Variants in KCNIP4 observed in about 807,000 individuals in gnomAD.
The protein encoded by KCNIP4 is potassium voltage-gated channel interacting protein 4.
KCNIP4 carries 12 observed loss-of-function variants against 34.0 expected under a neutral mutation model. The ratio of observed to expected loss-of-function variants is 0.35; its 90% CI spans 0.23 to 0.57. The LOEUF (loss-of-function observed/expected upper bound fraction) is 0.57, where lower values mean the gene tolerates loss of function less well. Ranked by LOEUF, KCNIP4 falls within the 20% of genes least tolerant of loss-of-function variation. The pLI is 0.83. For missense variants in KCNIP4, 238 were observed against 311.7 expected, an observed-to-expected ratio of 0.76 and a Z score of 1.78; for synonymous variants, 124 against 102.2, an observed-to-expected ratio of 1.21 and a Z score of -1.29.
At chr4:21,230,053 G>A (rs547815816) in intron 1 of KCNIP4, among the ~76,000 whole-genome samples, 2 of 152,124 alleles carry the variant, frequency 1.3e-5, no homozygotes, top group East Asian at 1.9e-4. Flanking sequence ...TGACCTCATC[G>A]TAGATGAAGG....
chr4:20,906,549 T>A (rs1727792735), intron 1 of KCNIP4, among the ~76,000 whole-genome samples: 1 of 152,174 alleles, frequency 6.6e-6, no homozygotes. Context: ...AAACTTTCAT[T>A]TGCTCCCCCT....
chr4:21,912,653 T>C (rs1220413904), intron 1 of KCNIP4, among the ~76,000 whole-genome samples: 1 of 152,016 alleles, frequency 6.6e-6, no homozygotes, highest in African/African-American at 2.4e-5. Context: ...GAGCTGGCCA[T>C]GTGCAAAGGT....
intron 1 of KCNIP4, among the ~76,000 whole-genome samples, chr4:21,447,514 T>C (rs1490623986): frequency 2.6e-5 from 4 of 152,210 alleles, no homozygotes; most frequent in Admixed American, 1.3e-4. Flanking sequence ...CTTGCTCATC[T>C]GCAGGGGATA....
chr4:20,855,943 G>A (rs566612955), intron 2 of KCNIP4, among the ~76,000 whole-genome samples: 1 of 152,280 alleles, frequency 6.6e-6, no homozygotes, highest in South Asian at 2.1e-4. Context: ...TGCTCCTAAA[G>A]TATGTGGGAA....
intron 1 of KCNIP4, among the ~76,000 whole-genome samples, chr4:20,988,996 T>G (rs1736842694): frequency 6.6e-6 from 1 of 152,230 alleles, no homozygotes; most frequent in African/African-American, 2.4e-5. Flanking sequence ...TGTATATTTT[T>G]CTTCCCACAA....
At chr4:21,465,335 T>G (rs2109787782) in intron 1 of KCNIP4, among the ~76,000 whole-genome samples, 1 of 152,208 alleles carries the variant, frequency 6.6e-6, no homozygotes, top group South Asian at 2.1e-4. Flanking sequence ...ACATAAGATA[T>G]ACTTTCCAGA....
At position 21,916,748 on chromosome 4, in the gene KCNIP4, C is replaced by T. The variant is rs1031455365; in HGVS notation, c.61+31823G>A. 1.5e-4 allele frequency among the ~76,000 whole-genome samples: 23 copies of T among 152,268 alleles called. No individual in the cohort carries two copies. The East Asian group carries it at 2.1e-3, about 14-fold the overall frequency. On this transcript the variant is annotated intron_variant, in intron 1 of 8. Coordinates refer to ENST00000382152, the MANE Select transcript of KCNIP4 (RefSeq NM_025221.6). ...GATTTTCAAAGAACAACTCAAATGACGTTATTTGTTACCTAGCTTGCCTTG... is the reference window on the plus strand; with the variant it reads ...GATTTTCAAAGAACAACTCAAATGATGTTATTTGTTACCTAGCTTGCCTTG...
At chr4:21,304,669 G>A (rs931032010) in intron 1 of KCNIP4, 1 of 152,202 alleles carries the variant, frequency 6.6e-6, no homozygotes, top group Non-Finnish European at 1.5e-5. Context: ...AGATTGCAAC[G>A]AGGCTTAAGG....
At chr4:20,772,280 A>C (rs759755538) in intron 3 of KCNIP4, among the ~76,000 whole-genome samples, 13 of 152,118 alleles carry the variant, frequency 8.5e-5, no homozygotes, top group Non-Finnish European at 1.6e-4. Context: ...AATCACTAAA[A>C]CACAAAGTAT....
intron 1 of KCNIP4, among the ~76,000 whole-genome samples, chr4:21,621,218 T>C (rs1246864934): frequency 4.6e-5 from 7 of 152,244 alleles, no homozygotes; most frequent in Admixed American, 2.0e-4. Flanking sequence ...AGTCAAATAG[T>C]ATATGTTCAC....
intron 1 of KCNIP4, among the ~76,000 whole-genome samples, chr4:21,835,598 T>TG (rs1488378988): frequency 2.4e-5 from 3 of 127,248 alleles, no homozygotes; most frequent in Non-Finnish European, 3.9e-5. Context: ...TGTTAGTTTT[T>TG]TTTTGTTGTT....
chr4:21,441,417 A>G (rs1288127180), intron 1 of KCNIP4, among the ~76,000 whole-genome samples: 1 of 152,020 alleles, frequency 6.6e-6, no homozygotes, highest in Non-Finnish European at 1.5e-5. Flanking sequence ...TGCTGGGATT[A>G]CAGGCATGAG....
chr4:21,501,414 C>T (rs1401353715), intron 1 of KCNIP4, among the ~76,000 whole-genome samples: 1 of 151,998 alleles, frequency 6.6e-6, no homozygotes, highest in Non-Finnish European at 1.5e-5. Flanking sequence ...TCATCTGTCT[C>T]GTTGGCTTTA....
intron 1 of KCNIP4, among the ~76,000 whole-genome samples, chr4:21,237,989 T>G (rs1759498207): frequency 6.6e-6 from 1 of 152,120 alleles, no homozygotes; most frequent in South Asian, 2.1e-4. Context: ...AATAAAATAC[T>G]GGCAAACCGA....
intron 1 of KCNIP4, among the ~76,000 whole-genome samples, chr4:21,931,139 T>G (rs144773101): frequency 0.014 from 2,060 of 152,196 alleles, 39 homozygotes; most frequent in African/African-American, 0.046. Context: ...CATGTCATTA[T>G]AGAACAACAT....
chr4:21,234,090 T>A (rs1458166905), intron 1 of KCNIP4, among the ~76,000 whole-genome samples: 1 of 92,986 alleles, frequency 1.1e-5, no homozygotes, highest in South Asian at 2.9e-4. Context: ...ATAACGTATA[T>A]TATATATAAC....
At chr4:20,862,648 A>C (rs1722327467) in intron 2 of KCNIP4, among the ~76,000 whole-genome samples, 2 of 152,194 alleles carry the variant, frequency 1.3e-5, no homozygotes, top group Admixed American at 1.3e-4. Context: ...CCTAAAAATC[A>C]ATAACAAGAC....
chr4:21,181,963 A>T (rs572679862), intron 1 of KCNIP4, among the ~76,000 whole-genome samples: 12 of 152,236 alleles, frequency 7.9e-5, no homozygotes, highest in Non-Finnish European at 1.8e-4. Flanking sequence ...CTACCAATAA[A>T]ACATGACTTC....
At chr4:20,822,962 C>T (rs552161841) in intron 3 of KCNIP4, among the ~76,000 whole-genome samples, 1 of 152,096 alleles carries the variant, frequency 6.6e-6, no homozygotes, top group Admixed American at 6.6e-5. Context: ...TAATTTTTCC[C>T]CTCCGGAGGA....
Sources: allele counts gnomAD v4.1 joint callset (sites outside exome capture counted in the v4.1 genomes callset), GRCh38; gene constraint gnomAD v4.1.1; transcripts MANE v1.5; gene names NCBI Gene and HGNC (gene_info 2026-07-23, HGNC 2026-07-21).